The following ALK variants were observed in gnomAD, a reference collection of about 807,000 sequenced individuals.
The protein encoded by ALK is ALK receptor tyrosine kinase, also known as ALK tyrosine kinase receptor.
ALK carries 74 observed loss-of-function variants against 163.1 expected under a neutral mutation model. That is an observed-to-expected ratio of 0.45 (90% CI 0.38 to 0.55). ALK has a LOEUF of 0.55. ALK is among the 20% of genes least tolerant of loss of function. ALK has a pLI of 0.00. For synonymous variants in ALK, 960 were observed against 843.2 expected (o/e 1.14, Z -2.40); for missense variants, 2,063 against 2,105.3 (o/e 0.98, Z 0.39).
intron 12 of ALK, among the ~76,000 whole-genome samples, chr2:29,240,667 T>C (rs1394967579): frequency 2.6e-5 from 4 of 151,962 alleles, no homozygotes; most frequent in Non-Finnish European, 5.9e-5. Flanking sequence ...AGTGTGGGGA[T>C]GGGAGATGAT....
chr2:29,636,337 G>GAAAGA (rs149544557), intron 3 of ALK, among the ~76,000 whole-genome samples: 1,532 of 147,760 alleles, frequency 0.01, 16 homozygotes, highest in African/African-American at 0.03. Context: ...AATAAAGAAA[G>GAAAGA]AAAGAAAAGA....
At chr2:29,458,403 C>T (rs1481106590) in intron 4 of ALK, among the ~76,000 whole-genome samples, 1 of 152,048 alleles carries the variant, frequency 6.6e-6, no homozygotes, top group African/African-American at 2.4e-5. Context: ...TTCCATTAAG[C>T]GTTTATAGTA....
intron 1 of ALK, among the ~76,000 whole-genome samples, chr2:29,870,451 A>G (rs1227239850): frequency 6.6e-6 from 1 of 152,194 alleles, no homozygotes; most frequent in Non-Finnish European, 1.5e-5. Context: ...GGGGGAAGTC[A>G]GCTCCATGAT....
At chr2:29,594,735 T>A (rs1675155145) in intron 3 of ALK, among the ~76,000 whole-genome samples, 1 of 151,998 alleles carries the variant, frequency 6.6e-6, no homozygotes, top group African/African-American at 2.4e-5. Flanking sequence ...CCAAGTCTCC[T>A]CACTTTTTTG....
intron 4 of ALK, among the ~76,000 whole-genome samples, chr2:29,422,602 T>C (rs1296646881): frequency 6.6e-6 from 1 of 152,200 alleles, no homozygotes; most frequent in Non-Finnish European, 1.5e-5. Context: ...TCTGAAGAAA[T>C]GCTTAAGAAT....
At chr2:29,326,549 C>T (rs577606037) in intron 6 of ALK, among the ~76,000 whole-genome samples, 1 of 149,728 alleles carries the variant, frequency 6.7e-6, no homozygotes, top group Admixed American at 6.6e-5. Context: ...GTGGGCAGGA[C>T]TGGCTTCACT....
At chr2:29,696,223 T>C (rs1019244589) in intron 2 of ALK, among the ~76,000 whole-genome samples, 4 of 152,178 alleles carry the variant, frequency 2.6e-5, no homozygotes, top group Admixed American at 6.5e-5. Context: ...GATGAGTTCA[T>C]GTCTTTTGCA....
At chr2:29,612,199 T>C (rs1216680265) in intron 3 of ALK, among the ~76,000 whole-genome samples, 4 of 152,346 alleles carry the variant, frequency 2.6e-5, no homozygotes, top group African/African-American at 7.2e-5. Flanking sequence ...CAGATACCTT[T>C]GCAGTTGCCA....
intron 11 of ALK, among the ~76,000 whole-genome samples, chr2:29,259,605 A>C (rs1282784748): frequency 6.6e-6 from 1 of 151,942 alleles, no homozygotes; most frequent in African/African-American, 2.4e-5. Flanking sequence ...GCTGTCAAAA[A>C]CTGATAATTT....
At chr2:29,657,004 T>C (rs560455445) in intron 3 of ALK, among the ~76,000 whole-genome samples, 3 of 152,282 alleles carry the variant, frequency 2.0e-5, no homozygotes, top group Admixed American at 6.5e-5. Flanking sequence ...ATATTTAACA[T>C]AGAAAACGGC....
intron 3 of ALK, among the ~76,000 whole-genome samples, chr2:29,566,423 C>T (rs1452866636): frequency 6.6e-6 from 1 of 152,208 alleles, no homozygotes; most frequent in Non-Finnish European, 1.5e-5. Flanking sequence ...TTCGGGTCTG[C>T]ATGGAACTTT....
At chr2:29,666,496 T>A (rs1677518375) in intron 3 of ALK, among the ~76,000 whole-genome samples, 1 of 152,128 alleles carries the variant, frequency 6.6e-6, no homozygotes, top group Non-Finnish European at 1.5e-5. Flanking sequence ...AGACCAGTAC[T>A]CATTACTCAG....
intron 12 of ALK, among the ~76,000 whole-genome samples, chr2:29,242,296 C>T (rs1664544677): frequency 6.6e-6 from 1 of 152,172 alleles, no homozygotes; most frequent in Non-Finnish European, 1.5e-5. Context: ...AACTTCAGCC[C>T]AGGACAAAGT....
intron 1 of ALK, among the ~76,000 whole-genome samples, chr2:29,829,493 G>A (rs752166973): frequency 5.3e-5 from 8 of 152,008 alleles, no homozygotes; most frequent in Non-Finnish European, 7.4e-5. Context: ...CCTTACTCTC[G>A]GTCCTACTGC....
chr2:29,617,958 G>A (rs958544258), intron 3 of ALK, among the ~76,000 whole-genome samples: 1 of 152,138 alleles, frequency 6.6e-6, no homozygotes, highest in Non-Finnish European at 1.5e-5. Flanking sequence ...CACCACCGTT[G>A]GGCTGGGAGA....
At chr2:29,879,898 G>A (rs886413918) in intron 1 of ALK, among the ~76,000 whole-genome samples, 3 of 152,180 alleles carry the variant, frequency 2.0e-5, no homozygotes, top group African/African-American at 7.2e-5. Context: ...AGAAAAGAAA[G>A]GCCGCCTGAA....
chr2:29,884,189 G>A (rs969914253), intron 1 of ALK, among the ~76,000 whole-genome samples: 4 of 152,140 alleles, frequency 2.6e-5, no homozygotes, highest in Admixed American at 1.3e-4. Flanking sequence ...AAAAACATGA[G>A]TAGTTTTCTC....
intron 1 of ALK, among the ~76,000 whole-genome samples, chr2:29,744,603 TATTG>T (rs1183617104): frequency 1.3e-5 from 2 of 152,080 alleles, no homozygotes; most frequent in Non-Finnish European, 2.9e-5. Context: ...GAAATTATTT[TATTG>T]ATTGATTGAT....
intron 9 of ALK, among the ~76,000 whole-genome samples, chr2:29,287,577 G>A (rs550569884): frequency 1.2e-4 from 18 of 152,186 alleles, no homozygotes; most frequent in Admixed American, 1.0e-3. Flanking sequence ...TCCTAGGTAC[G>A]AAGCATAAAA....
Sources: allele counts gnomAD v4.1 joint callset (sites outside exome capture counted in the v4.1 genomes callset), GRCh38; gene constraint gnomAD v4.1.1; transcripts MANE v1.5; gene names NCBI Gene and HGNC (gene_info 2026-07-23, HGNC 2026-07-21).